SEMA3C: variants seen among roughly 807,000 people sequenced by gnomAD.
The protein encoded by SEMA3C is semaphorin 3C, also known as semaphorin-3C.
Under a neutral mutation model 89.4 loss-of-function variants are expected in SEMA3C, and 47 were observed. The observed-to-expected ratio is 0.53, with a 90% CI of 0.42 to 0.67. The LOEUF is 0.67. SEMA3C is among the 30% of genes least tolerant of loss of function. SEMA3C has a pLI of 0.00. For synonymous variants in SEMA3C, 310 were observed against 320.2 expected (o/e 0.97, Z 0.34); for missense variants, 839 against 929.1 (o/e 0.90, Z 1.26).
intron 12 of SEMA3C, among the ~76,000 whole-genome samples, chr7:80,770,123 G>A (rs528144486): frequency 1.3e-5 from 2 of 152,136 alleles, no homozygotes; most frequent in South Asian, 2.1e-4. Context: ...GAGTGAGTTG[G>A]GCAGTATGGA....
At chr7:80,863,179 C>T (rs867065649) in intron 2 of SEMA3C, among the ~76,000 whole-genome samples, 1 of 150,988 alleles carries the variant, frequency 6.6e-6, no homozygotes, top group Non-Finnish European at 1.5e-5. Flanking sequence ...TTGCAGTGAG[C>T]CAAGATCGTG....
chr7:80,786,998 G>A (rs1225208216), intron 12 of SEMA3C, among the ~76,000 whole-genome samples: 3 of 152,180 alleles, frequency 2.0e-5, no homozygotes, highest in South Asian at 4.1e-4. Context: ...ACTGAGCATA[G>A]GAAATGGTAA....
chr7:80,750,245 A>G (rs1787893583), intron 16 of SEMA3C, among the ~76,000 whole-genome samples: 1 of 151,668 alleles, frequency 6.6e-6, no homozygotes, highest in Non-Finnish European at 1.5e-5. Context: ...GTAACATGGT[A>G]ACTTCATGTC....
intron 13 of SEMA3C, among the ~76,000 whole-genome samples, chr7:80,762,092 TAAAA>T: frequency 1.3e-5 from 1 of 75,906 alleles, no homozygotes; most frequent in South Asian, 4.8e-4. Context: ...TCCGTCTCAA[TAAAA>T]AAAAAAAAAA....
chr7:80,885,742 G>GATTGCTACATCT (rs112174352), intron 2 of SEMA3C, among the ~76,000 whole-genome samples: 20,996 of 152,136 alleles, frequency 0.14, 2,602 homozygotes, highest in African/African-American at 0.33. Context: ...GAGTCAAAGT[G>GATTGCTACATCT]ATGTAAATTT....
Position 80,797,997 on chromosome 7 carries a change from CAAAA to C in SEMA3C, c.1131+91_1131+94del, listed in dbSNP as rs969625666. The stretch of plus-strand genomic sequence containing the variant: ...TGGGCAACAGAGTGAGACTCCGTCT[CAAAA>C]AAAAACCCCAAAAAACCCCACAGAT... On this transcript the variant is annotated intron_variant, in intron 11 of 17. Transcript: ENST00000265361. The C allele has an allele frequency of 4.0e-6, 5 of 1,241,328 alleles. No individual in the cohort carries two copies. In the African/African-American group the frequency reaches 8.0e-5, roughly 20 times the overall value. The allele number at this position is 1,241,328 out of a possible 1,614,324, so 76.9% of individuals were successfully genotyped here.
chr7:80,877,110 G>A (rs1272364407), intron 2 of SEMA3C, among the ~76,000 whole-genome samples: 1 of 152,170 alleles, frequency 6.6e-6, no homozygotes, highest in Admixed American at 6.5e-5. Context: ...ACATTCTACA[G>A]TTTGCTTCTG....
chr7:80,836,727 G>A (rs1229438369), intron 2 of SEMA3C, among the ~76,000 whole-genome samples: 2 of 150,564 alleles, frequency 1.3e-5, no homozygotes, highest in Non-Finnish European at 3.0e-5. Context: ...CAGACAGACA[G>A]CAGTGAACAC....
chr7:80,872,297 C>T (rs913352615), intron 2 of SEMA3C, among the ~76,000 whole-genome samples: 5 of 151,870 alleles, frequency 3.3e-5, no homozygotes, highest in African/African-American at 4.8e-5. Flanking sequence ...ACTACAGGCA[C>T]GCACCACCGT....
chr7:80,863,309 C>T (rs1434931102), intron 2 of SEMA3C, among the ~76,000 whole-genome samples: 2 of 149,476 alleles, frequency 1.3e-5, no homozygotes, highest in African/African-American at 2.5e-5. Context: ...TACCACCTTA[C>T]TCCTGCAAGA....
At chr7:80,868,910 G>A (rs529738151) in intron 2 of SEMA3C, among the ~76,000 whole-genome samples, 4 of 152,080 alleles carry the variant, frequency 2.6e-5, no homozygotes, top group African/African-American at 7.2e-5. Context: ...AATGCATAAC[G>A]AGGTTTTCTT....
chr7:80,753,411 T>C (rs1295759570), intron 15 of SEMA3C, among the ~76,000 whole-genome samples: 3 of 152,202 alleles, frequency 2.0e-5, no homozygotes, highest in Non-Finnish European at 4.4e-5. Flanking sequence ...GCTAAATTTA[T>C]TGTCCTGTGA....
At chr7:80,830,345 A>T (rs2115825151) in intron 2 of SEMA3C, among the ~76,000 whole-genome samples, 1 of 152,304 alleles carries the variant, frequency 6.6e-6, no homozygotes, top group South Asian at 2.1e-4. Context: ...GACACATATA[A>T]ATACGTGAAA....
intron 9 of SEMA3C, 41 bp downstream of exon 9, chr7:80,802,624 G>A: frequency 7.5e-7 from 1 of 1,334,198 alleles, no homozygotes. Context: ...AACTTTACAA[G>A]CCTTCTTTCA....
chr7:80,786,663 T>C (rs917206936), intron 12 of SEMA3C, among the ~76,000 whole-genome samples: 2 of 152,258 alleles, frequency 1.3e-5, no homozygotes, highest in African/African-American at 4.8e-5. Context: ...ACAAACTTTA[T>C]ATGCAAATGA....
chr7:80,837,591 T>C (rs776327516), intron 2 of SEMA3C, among the ~76,000 whole-genome samples: 5 of 152,212 alleles, frequency 3.3e-5, no homozygotes, highest in Non-Finnish European at 5.9e-5. Context: ...CTGCTGGCCT[T>C]CTTTTTAAAA....
At chr7:80,804,333 TC>T in intron 7 of SEMA3C, 85 bp from the exon 8 acceptor site, 1 of 909,186 alleles carries the variant, frequency 1.1e-6, no homozygotes, top group Non-Finnish European at 1.5e-6. Context: ...GCAGATGCCT[TC>T]CCCATCTTTG....
At chr7:80,772,191 G>C (rs1583863504) in intron 12 of SEMA3C, among the ~76,000 whole-genome samples, 2 of 152,050 alleles carry the variant, frequency 1.3e-5, no homozygotes, top group East Asian at 3.9e-4. Context: ...ACTGATAATT[G>C]GCTGCCTTAT....
chr7:80,866,414 G>A (rs74427261), intron 2 of SEMA3C, among the ~76,000 whole-genome samples: 2,360 of 151,928 alleles, frequency 0.016, 79 homozygotes, highest in East Asian at 0.13. Flanking sequence ...CTTTCAACAC[G>A]GTAATTTTTA....
Sources: allele counts gnomAD v4.1 joint callset (sites outside exome capture counted in the v4.1 genomes callset), GRCh38; gene constraint gnomAD v4.1.1; transcripts MANE v1.5; gene names NCBI Gene and HGNC (gene_info 2026-07-23, HGNC 2026-07-21).